Variants in ELF2 observed in about 807,000 individuals in gnomAD.
ELF2 encodes ETS-related transcription factor Elf-2.
ELF2 carries 11 observed loss-of-function variants against 54.8 expected under a neutral mutation model. The observed-to-expected ratio is 0.20, with a 90% CI of 0.13 to 0.33. The LOEUF (loss-of-function observed/expected upper bound fraction) is 0.33, where lower values mean the gene tolerates loss of function less well. Ranked by LOEUF, ELF2 falls within the 10% of genes least tolerant of loss-of-function variation. The pLI is 1.00. For missense variants in ELF2, 513 were observed against 703.0 expected (o/e 0.73, Z 3.06); for synonymous variants, 203 against 245.1 (o/e 0.83, Z 1.61).
chr4:139,067,716 A>G lies in ELF2; in HGVS notation c.581T>C (p.Leu194Ser), dbSNP rs1728920280. ...QSPISNGSPELGIKKKPREGK... is the reference protein window; with the variant it reads ...QSPISNGSPESGIKKKPREGK... ...TTCTCTTGGTTTCTTCTTTATACCT[A>G]ACTCAGGAGACCCATTGGAAATTGG... The change falls in exon 7 of 10, where the codon TTA becomes TCA. Residue 194 changes from leucine (L) to serine (S), a missense_variant. Leu to Ser is a moderately radical substitution (Grantham distance 145). This residue lies in a region of ELF2 where 203 missense variants were observed against 245.9 expected (regional missense o/e 0.83). Transcript: ENST00000686138. 6.2e-7 allele frequency: 1 copy of G among 1,610,970 alleles called. No individual in the cohort carries two copies.
chr4:139,175,155 T>C (rs955513360), intron 1 of ELF2, among the ~76,000 whole-genome samples: 2 of 152,204 alleles, frequency 1.3e-5, no homozygotes, highest in African/African-American at 2.4e-5. Context: ...CCTCCAAAAA[T>C]GGTATACAAC....
intron 1 of ELF2, among the ~76,000 whole-genome samples, chr4:139,173,946 G>A (rs1209917595): frequency 7.3e-5 from 11 of 151,024 alleles, no homozygotes; most frequent in Middle Eastern, 3.4e-3. Context: ...TAGATTAGCC[G>A]GACGCGGTGG....
At chr4:139,130,865 A>T (rs922821010) in intron 3 of ELF2, among the ~76,000 whole-genome samples, 1 of 152,190 alleles carries the variant, frequency 6.6e-6, no homozygotes, top group African/African-American at 2.4e-5. Flanking sequence ...TATGGAGGCA[A>T]GTAACTTCAT....
intron 3 of ELF2, among the ~76,000 whole-genome samples, chr4:139,125,996 AG>A (rs1164329401): frequency 6.6e-6 from 1 of 152,196 alleles, no homozygotes; most frequent in African/African-American, 2.4e-5. Context: ...CACAGTTGTT[AG>A]CATCATACTC....
chr4:139,123,861 T>C (rs1031563202), intron 4 of ELF2, among the ~76,000 whole-genome samples: 1 of 152,212 alleles, frequency 6.6e-6, no homozygotes, highest in African/African-American at 2.4e-5. Context: ...TCCTACAAAA[T>C]ACTTTTAACT....
chr4:139,069,734 CCTAT>C lies in ELF2; in HGVS notation c.527-1968_527-1965del, dbSNP rs778241851. On this transcript the variant is annotated intron_variant, in intron 6 of 9. Transcript: ENST00000686138. ...AAGAAGTACTGCTATTAAAAAAGAA[CCTAT>C]CTAAGTTTGTATATCCCAAATGTAC... Among the ~76,000 whole-genome samples the C allele has an allele frequency of 3.2e-4, 48 of 152,196 alleles. 1 individual carries two copies. In the South Asian group the frequency reaches 3.5e-3, roughly 11 times the overall value.
chr4:139,170,706 T>C (rs369105343), intron 1 of ELF2, among the ~76,000 whole-genome samples: 5 of 88,944 alleles, frequency 5.6e-5, no homozygotes, highest in South Asian at 4.1e-4. Flanking sequence ...AACCCAATTA[T>C]ATTACATTAC....
intron 1 of ELF2, among the ~76,000 whole-genome samples, chr4:139,175,883 G>GA (rs1742857189): frequency 6.6e-6 from 1 of 152,304 alleles, no homozygotes; most frequent in Admixed American, 6.5e-5. Flanking sequence ...CTGCCTCCTA[G>GA]AAAGAGTCCA....
intron 4 of ELF2, chr4:139,084,438 GGGCGGCGGCGGCGGCGGC>G (rs34769754): frequency 1.8e-6 from 2 of 1,107,800 alleles, no homozygotes; most frequent in South Asian, 7.4e-5. Context: ...GCAGGGGCAG[GGGCGGCGGCGGCGGCGGC>G]GGCGGCTGTG....
At chr4:139,117,031 T>C (rs1735785770) in intron 4 of ELF2, among the ~76,000 whole-genome samples, 1 of 152,242 alleles carries the variant, frequency 6.6e-6, no homozygotes, top group Non-Finnish European at 1.5e-5. Flanking sequence ...ATCCATCTTT[T>C]CAACTAATGT....
At chr4:139,125,414 C>A in intron 3 of ELF2, 85 bp from the exon 4 acceptor site, 1 of 1,487,282 alleles carries the variant, frequency 6.7e-7, no homozygotes, top group Non-Finnish European at 9.0e-7. Flanking sequence ...AATACAGTCT[C>A]GAGCAGTCCA....
intron 3 of ELF2, among the ~76,000 whole-genome samples, chr4:139,132,833 T>C (rs1737639334): frequency 9.7e-6 from 1 of 103,248 alleles, no homozygotes; most frequent in Non-Finnish European, 1.9e-5. Context: ...AGTGGTTATA[T>C]TACTTTACAT....
intron 4 of ELF2, among the ~76,000 whole-genome samples, chr4:139,099,262 C>T (rs1733623106): frequency 1.3e-5 from 2 of 152,256 alleles, no homozygotes; most frequent in East Asian, 1.9e-4. Flanking sequence ...ACTACATTGA[C>T]GGGCAGTGTC....
chr4:139,077,233 C>T (rs1730435704), intron 4 of ELF2, among the ~76,000 whole-genome samples: 2 of 152,078 alleles, frequency 1.3e-5, no homozygotes, highest in African/African-American at 4.8e-5. Flanking sequence ...GTGGAACATC[C>T]CAAATCTAAA....
intron 5 of ELF2, 89 bp from the exon 6 acceptor site, chr4:139,072,128 G>T: frequency 7.7e-7 from 1 of 1,297,518 alleles, no homozygotes; most frequent in Non-Finnish European, 1.1e-6. Flanking sequence ...GGCGAGGTGT[G>T]TTAAGAATTA....
At chr4:139,114,559 T>TCACACACACA (rs1410927721) in intron 4 of ELF2, among the ~76,000 whole-genome samples, 226 of 27,560 alleles carry the variant, frequency 8.2e-3, no homozygotes, top group African/African-American at 0.024. Context: ...GAGACTTCAG[T>TCACACACACA]CTCACACACA....
intron 9 of ELF2, 138 bp from the exon 10 acceptor site, chr4:139,059,745 G>A: frequency 1.1e-6 from 1 of 926,514 alleles, no homozygotes; most frequent in Non-Finnish European, 1.6e-6. Flanking sequence ...GGCAATCCCT[G>A]ATGTTTGACA....
intron 3 of ELF2, among the ~76,000 whole-genome samples, chr4:139,135,318 G>C (rs1278915999): frequency 6.7e-6 from 1 of 149,742 alleles, no homozygotes; most frequent in Non-Finnish European, 1.5e-5. Flanking sequence ...CTGCTCCTAA[G>C]ACAAAAATCT....
intron 4 of ELF2, among the ~76,000 whole-genome samples, chr4:139,118,674 T>C (rs1387915933): frequency 6.6e-6 from 1 of 150,728 alleles, no homozygotes; most frequent in African/African-American, 2.4e-5. Context: ...ACTGAAGGTA[T>C]AAAGCATTTG....
Sources: allele counts gnomAD v4.1 joint callset (sites outside exome capture counted in the v4.1 genomes callset), GRCh38; gene constraint gnomAD v4.1.1; regional missense constraint gnomAD v4.1.1; transcripts MANE v1.5; gene names NCBI Gene and HGNC (gene_info 2026-07-23, HGNC 2026-07-21).